TRUB2: variants seen among roughly 807,000 people sequenced by gnomAD.
The protein encoded by TRUB2 is pseudouridylate synthase TRUB2, mitochondrial.
In TRUB2, 31 loss-of-function variants were observed where a neutral mutation model predicts 31.9. The observed-to-expected ratio is 0.97, with a 90% CI of 0.73 to 1.31. The LOEUF (loss-of-function observed/expected upper bound fraction) is 1.31, where lower values mean the gene tolerates loss of function less well. TRUB2 is among the 50% of genes most tolerant of loss of function. The pLI, the probability that TRUB2 is intolerant of heterozygous loss-of-function variation, is 0.00. For missense variants in TRUB2, 451 were observed against 439.6 expected (o/e 1.03, Z -0.23); for synonymous variants, 201 against 182.6 (o/e 1.10, Z -0.81).
At chr9:128,313,770 T>C (rs2131447003) in intron 5 of TRUB2, 38 bp downstream of exon 5, 1 of 1,595,724 alleles carries the variant, frequency 6.3e-7, no homozygotes, top group South Asian at 1.1e-5. Flanking sequence ...GGAAAGCAAA[T>C]GCGGAGGGAG....
At chr9:128,311,696 T>G in intron 5 of TRUB2, 95 bp from the exon 6 acceptor site, 1 of 1,345,202 alleles carries the variant, frequency 7.4e-7, no homozygotes, top group Non-Finnish European at 1.1e-6. Context: ...CCCTGGAACA[T>G]GGAGAGAGGA....
chr9:128,309,564 C>A lies in TRUB2; in HGVS notation c.982G>T (p.Gly328Cys). The A allele has an allele frequency of 1.2e-6, 2 of 1,610,648 alleles. No individual in the cohort carries two copies. The highest frequency in any genetic ancestry group is 1.3e-5 in the African/African-American group (1 of 74,982). ...GPSSTLGLER[G>C]AGQ Reference sequence around the variant, plus strand: ...TGCCTGGGCATTCACTGCCCCGCACCCCTCTCCAGCCCCAAGGTAGAGCTC... The same window carrying A: ...TGCCTGGGCATTCACTGCCCCGCACACCTCTCCAGCCCCAAGGTAGAGCTC... The change falls in exon 8 of 8, where the codon GGT becomes TGT. Residue 328 changes from glycine to cysteine, a missense_variant. Transcript: ENST00000372890.
intron 5 of TRUB2, among the ~76,000 whole-genome samples, chr9:128,313,552 AAAG>A (rs1832014829): frequency 6.6e-6 from 1 of 151,878 alleles, no homozygotes; most frequent in Non-Finnish European, 1.5e-5. Context: ...AAAAAAAAAA[AAAG>A]AAAAGAAAAG....
chr9:128,313,377 C>CAA (rs1378777462), intron 5 of TRUB2, among the ~76,000 whole-genome samples: 1 of 127,300 alleles, frequency 7.9e-6, no homozygotes. Flanking sequence ...ACTAAAAATA[C>CAA]AAAAAAAAAA....
chr9:128,313,950 G>GC lies in TRUB2; in HGVS notation c.379-62dup. 2.0e-6 allele frequency: 3 copies of GC among 1,519,064 alleles called. No homozygotes were observed. The South Asian group carries it at 3.4e-5, about 17-fold the overall frequency. 94.1% of individuals were successfully genotyped at this position (1,519,064 alleles called of 1,614,324 possible). A position where few individuals can be genotyped will look rare whatever the true frequency, so the allele number is the denominator to read the frequency against. On this transcript the variant is annotated intron_variant, in intron 4 of 7. Transcript: ENST00000372890. The stretch of plus-strand genomic sequence containing the variant: ...CCCATTCTAAGCCCTAGTAGCCCCT[G>GC]CCCCAGAAGCTGGGGGTGGGGGGTC...
chr9:128,311,308 G>T, intron 6 of TRUB2: 1 of 629,206 alleles, frequency 1.6e-6, no homozygotes, highest in Non-Finnish European at 2.8e-6. Context: ...TATACTCTCA[G>T]CAGGACAGCT....
At chr9:128,320,801 T>G (rs532574707) in intron 2 of TRUB2, among the ~76,000 whole-genome samples, 14 of 152,230 alleles carry the variant, frequency 9.2e-5, no homozygotes, top group African/African-American at 3.1e-4. Flanking sequence ...ATTACCTTTT[T>G]TTTTTTGAGA....
intron 2 of TRUB2, among the ~76,000 whole-genome samples, chr9:128,319,072 A>G (rs1832116117): frequency 6.6e-6 from 1 of 151,384 alleles, no homozygotes; most frequent in South Asian, 2.1e-4. Context: ...CACACCTGTA[A>G]TCCCAGCACT....
chr9:128,309,580 G>A lies in TRUB2; in HGVS notation c.966C>T (p.Thr322=). ...GCCCCGCACCCCTCTCCAGCCCCAA[G>A]GTAGAGCTCGGGCCCTGGGAGTCCC... ...WSWDSQGPSS[T]LGLERGAGQ The change falls in exon 8 of 8, where the codon ACC becomes ACT. Residue 322 remains threonine, a synonymous_variant. Transcript: ENST00000372890. 1.9e-6 allele frequency: 3 copies of A among 1,613,038 alleles called. No individual in the cohort carries two copies. Among genetic ancestry groups the A allele is most frequent in the Non-Finnish European group, 2.5e-6 (3 of 1,179,304 alleles).
At chr9:128,321,798 G>T (rs1445489758) in intron 1 of TRUB2, 68 bp from the exon 2 acceptor site, 2 of 1,494,040 alleles carry the variant, frequency 1.3e-6, no homozygotes, top group African/African-American at 2.8e-5. Context: ...TATTTTTTAA[G>T]AGACAGGGCC....
chr9:128,310,012 T>C, intron 7 of TRUB2, 137 bp from the exon 8 acceptor site: 2 of 960,254 alleles, frequency 2.1e-6, no homozygotes, highest in South Asian at 3.3e-5. Context: ...GGTTGTGCTA[T>C]TCAGAGGACC....
intron 5 of TRUB2, among the ~76,000 whole-genome samples, chr9:128,313,002 G>C (rs1461901644): frequency 1.3e-5 from 2 of 151,202 alleles, no homozygotes; most frequent in Non-Finnish European, 2.9e-5. Context: ...GAATACCTGA[G>C]GTCAGGAGTT....
At position 128,309,383 on chromosome 9, in the gene TRUB2, T is replaced by C; in HGVS notation, c.*167A>G. The C allele has an allele frequency of 1.5e-6, 1 of 688,400 alleles. No homozygotes were observed. The highest frequency in any genetic ancestry group is 2.7e-5 in the East Asian group (1 of 36,568). The allele number at this position is 688,400 out of a possible 1,614,324, so 42.6% of individuals were successfully genotyped here. A position where few individuals can be genotyped will look rare whatever the true frequency, so the allele number is the denominator to read the frequency against. On this transcript the variant is annotated 3_prime_UTR_variant, in exon 8 of 8. Transcript: ENST00000372890. ...ACTGTCTTTTCCTCCATACAGAAGT[T>C]TTTCCTTCTCAGTTGGGTCAAGTCC...
At position 128,311,127 on chromosome 9, in the gene TRUB2, C is replaced by G. The variant is rs1397771278; in HGVS notation, c.534-104G>C. On this transcript the variant is annotated intron_variant, in intron 6 of 7. Transcript: ENST00000372890. ...TCACTTGCTTTGTGTGCCCTGCCAC[C>G]GTGGCTCCTCCAGCCACCTTTCCTG... 4 of 1,488,682 alleles carry G rather than the reference C, an allele frequency of 2.7e-6. No homozygotes were observed. In the East Asian group the frequency reaches 6.9e-5, roughly 26 times the overall value. The allele number at this position is 1,488,682 out of a possible 1,614,324, so 92.2% of individuals were successfully genotyped here.
intron 5 of TRUB2, among the ~76,000 whole-genome samples, chr9:128,313,431 G>A (rs1278932158): frequency 2.0e-5 from 3 of 146,702 alleles, no homozygotes. Flanking sequence ...AGCTACTAGG[G>A]AGGCTGAGGC....
intron 5 of TRUB2, among the ~76,000 whole-genome samples, chr9:128,312,224 G>A (rs937012040): frequency 3.6e-5 from 5 of 139,548 alleles, no homozygotes; most frequent in South Asian, 2.4e-4. Flanking sequence ...TACAAGCTCC[G>A]CCTCCTGGAG....
At position 128,307,183 on chromosome 9, in the gene TRUB2, G is replaced by A. The variant is rs1831880109; in HGVS notation, c.*2367C>T. On this transcript the variant is annotated 3_prime_UTR_variant, in exon 8 of 8. Transcript: ENST00000372890. The stretch of plus-strand genomic sequence containing the variant: ...GAGGCAGGAGAATCACTTGACCCTG[G>A]GAGGCGGAGGTTGCAGTGAGCCAAG... 1 of 152,292 alleles carries A rather than the reference G, an allele frequency of 6.6e-6. No homozygotes were observed. Among genetic ancestry groups the A allele is most frequent in the Non-Finnish European group, 1.5e-5 (1 of 68,096 alleles). 9.4% of individuals were successfully genotyped at this position (152,292 alleles called of 1,614,324 possible). A position where few individuals can be genotyped will look rare whatever the true frequency, so the allele number is the denominator to read the frequency against.
rs1250466541 is a variant in TRUB2 at position 128,306,621 on chromosome 9, TAG to T, written c.*2927_*2928del. The T allele has an allele frequency of 2.0e-5, 3 of 151,912 alleles. No homozygotes were observed. The highest frequency in any genetic ancestry group is 7.3e-5 in the African/African-American group (3 of 41,374). 9.4% of individuals were successfully genotyped at this position (151,912 alleles called of 1,614,324 possible). A position where few individuals can be genotyped will look rare whatever the true frequency, so the allele number is the denominator to read the frequency against. On this transcript the variant is annotated 3_prime_UTR_variant, in exon 8 of 8. Transcript: ENST00000372890. ...CGCCCGGCTAATTTTGTATTTTTAG[TAG>T]AGACAGGTTTCACCATGTTGGTCAG...
rs1333178685 is a variant in TRUB2, at chr9:128,307,968, T to C, written c.*1582A>G. On this transcript the variant is annotated 3_prime_UTR_variant, in exon 8 of 8. Coordinates refer to ENST00000372890, the MANE Select transcript of TRUB2 (RefSeq NM_015679.3). ...TCCCAGTGCTTTGGGAGGCAGAGGT[T>C]GGCATAATCCCAGCGCTCTGGGAGG... is the stretch of plus-strand genomic sequence containing the variant. 6.9e-6 allele frequency: 1 copy of C among 145,492 alleles called. No homozygotes were observed. The highest frequency in any genetic ancestry group is 2.6e-5 in the African/African-American group (1 of 39,132). 9.0% of individuals were successfully genotyped at this position (145,492 alleles called of 1,614,324 possible).
Sources: allele counts gnomAD v4.1 joint callset (sites outside exome capture counted in the v4.1 genomes callset), GRCh38; gene constraint gnomAD v4.1.1; transcripts MANE v1.5; gene names NCBI Gene and HGNC (gene_info 2026-07-23, HGNC 2026-07-21).